Variants in TPRG1 observed in about 807,000 individuals in gnomAD.
TPRG1 encodes the protein tumor protein p63 regulated 1, also known as tumor protein p63-regulated gene 1 protein.
A neutral mutation model predicts 29.3 loss-of-function variants in TPRG1; 29 were observed. That is an observed-to-expected ratio of 0.99 (90% CI 0.74 to 1.35). The LOEUF is 1.35. Among genes scored for constraint, TPRG1 ranks in the 40% most tolerant of loss-of-function variants. The pLI is 0.00. For synonymous variants in TPRG1, 130 were observed against 116.8 expected (o/e 1.11, Z -0.73); for missense variants, 327 against 335.0 (o/e 0.98, Z 0.19).
At chr3:189,097,587 T>C (rs1012498884), upstream of TPRG1, among the ~76,000 whole-genome samples, 5 of 152,218 alleles carry the variant, frequency 3.3e-5, no homozygotes, top group Admixed American at 2.0e-4. Flanking sequence ...ATAAATTTCA[T>C]AAAATAAATA....
intron 4 of TPRG1, among the ~76,000 whole-genome samples, chr3:189,264,102 C>T (rs559663511): frequency 1.3e-5 from 2 of 152,318 alleles, no homozygotes; most frequent in South Asian, 4.1e-4. Context: ...TATCCCAATT[C>T]TCCCTCCAAT....
Position 189,019,037 on chromosome 3 carries a change from G to C in TPRG1, c.-659-4713G>C, listed in dbSNP as rs1578198310. Among the ~76,000 whole-genome samples, 2 of 152,186 alleles carry C rather than the reference G, an allele frequency of 1.3e-5. 1 individual carries two copies. Among genetic ancestry groups the C allele is most frequent in the Middle Eastern group, 6.8e-3 (2 of 294 alleles). On this transcript the variant is annotated intron_variant, in intron 3 of 10. Transcript: ENST00000433971. ...TCATAATTTGTCTCTCTGTTTGTCT[G>C]TTGTTGGTGTATAAGAATGCTTGTG...
chr3:189,173,398 G>C (rs1230676950), intron 1 of TPRG1, among the ~76,000 whole-genome samples: 1 of 144,446 alleles, frequency 6.9e-6, no homozygotes, highest in African/African-American at 2.6e-5. Context: ...GGAGGGTAGT[G>C]GCGCGATCTC....
intron 1 of TPRG1, among the ~76,000 whole-genome samples, chr3:189,199,027 AC>A (rs1177140251): frequency 1.3e-5 from 2 of 152,338 alleles, no homozygotes; most frequent in East Asian, 3.9e-4. Flanking sequence ...CTTCTTAAGT[AC>A]AAGAATAGTT....
intron 4 of TPRG1, among the ~76,000 whole-genome samples, chr3:189,032,100 G>A (rs980318775): frequency 5.3e-5 from 8 of 152,242 alleles, no homozygotes; most frequent in Admixed American, 2.6e-4. Context: ...AGGCTTTGCC[G>A]ATGTGATTGA....
chr3:189,128,461 A>T (rs1247937397), intron 2 of TPRG1, among the ~76,000 whole-genome samples: 1 of 152,268 alleles, frequency 6.6e-6, no homozygotes, highest in Non-Finnish European at 1.5e-5. Context: ...AAACATATTT[A>T]TACTAAAAAA....
intron 1 of TPRG1, among the ~76,000 whole-genome samples, chr3:189,175,859 T>G (rs574535357): frequency 6.6e-6 from 1 of 152,216 alleles, no homozygotes; most frequent in Non-Finnish European, 1.5e-5. Context: ...AAAATGATGA[T>G]GCACAAGTTG....
chr3:189,013,077 T>C (rs1307039254), intron 3 of TPRG1, among the ~76,000 whole-genome samples: 3 of 152,118 alleles, frequency 2.0e-5, no homozygotes, highest in Non-Finnish European at 4.4e-5. Flanking sequence ...GGGGTTTGTT[T>C]GCTCTTGATT....
intron 4 of TPRG1, among the ~76,000 whole-genome samples, chr3:189,042,395 A>G (rs547083957): frequency 8.0e-4 from 122 of 152,288 alleles, no homozygotes; most frequent in Middle Eastern, 3.4e-3. Flanking sequence ...TGAGTAAAAT[A>G]TTGATAACAT....
At chr3:189,238,180 C>G (rs912728597) in intron 3 of TPRG1, among the ~76,000 whole-genome samples, 4 of 152,184 alleles carry the variant, frequency 2.6e-5, no homozygotes, top group African/African-American at 9.7e-5. Flanking sequence ...CACTACATTT[C>G]TACCACAAGG....
At chr3:189,258,485 G>A (rs951457854) in intron 4 of TPRG1, among the ~76,000 whole-genome samples, 1 of 152,120 alleles carries the variant, frequency 6.6e-6, no homozygotes, top group Admixed American at 6.6e-5. Context: ...GGGGGTCAGG[G>A]ACTGACTTGA....
At chr3:189,316,839 G>A (rs1723614558) in intron 5 of TPRG1, among the ~76,000 whole-genome samples, 1 of 152,286 alleles carries the variant, frequency 6.6e-6, no homozygotes, top group Non-Finnish European at 1.5e-5. Context: ...CATATCAGAT[G>A]ACACAGCGTT....
chr3:189,101,554 C>T (rs909580989), intron 1 of TPRG1, among the ~76,000 whole-genome samples: 1 of 151,760 alleles, frequency 6.6e-6, no homozygotes, highest in African/African-American at 2.4e-5. Flanking sequence ...ATTTGCAATT[C>T]TCCTTCTTTC....
At chr3:189,182,439 G>A (rs942527527) in intron 1 of TPRG1, among the ~76,000 whole-genome samples, 1 of 152,150 alleles carries the variant, frequency 6.6e-6, no homozygotes, top group Non-Finnish European at 1.5e-5. Flanking sequence ...GTTTTAAACA[G>A]TTAATTTAGG....
chr3:189,026,776 A>G (rs1263058245), intron 4 of TPRG1, among the ~76,000 whole-genome samples: 1 of 152,116 alleles, frequency 6.6e-6, no homozygotes, highest in African/African-American at 2.4e-5. Flanking sequence ...GAAGAATAAC[A>G]TGGAACGAAG....
intron 4 of TPRG1, among the ~76,000 whole-genome samples, chr3:189,090,508 A>G (rs796688698): frequency 1.3e-5 from 2 of 152,044 alleles, no homozygotes; most frequent in Non-Finnish European, 2.9e-5. Context: ...ATATATTAAG[A>G]TATTTCATTG....
At chr3:189,170,319 G>A (rs1477597136), upstream of TPRG1, among the ~76,000 whole-genome samples, 1 of 152,176 alleles carries the variant, frequency 6.6e-6, no homozygotes, top group Non-Finnish European at 1.5e-5. Flanking sequence ...CTGTATTAGG[G>A]AGGGGGCATA....
rs529585500 is a variant in TPRG1, at chr3:189,022,697, C to A, written c.-659-1053C>A. 3.9e-5 allele frequency among the ~76,000 whole-genome samples: 6 copies of A among 152,362 alleles called. No homozygotes were observed. In the South Asian group the frequency reaches 6.2e-4, roughly 16 times the overall value. On this transcript the variant is annotated intron_variant, in intron 3 of 10. Transcript: ENST00000433971. ...CTGCTGTCTTTTTGTCTATGCCCTG[C>A]CCCCAGAGGTGGAGCCTAAAGAGGC...
At chr3:189,022,681 T>TTTTG (rs745860548) in intron 3 of TPRG1, among the ~76,000 whole-genome samples, 64 of 152,154 alleles carry the variant, frequency 4.2e-4, no homozygotes, top group Admixed American at 1.5e-3. Flanking sequence ...ACTGCTGTCT[T>TTTTG]TTTGTCTATG....
Sources: gnomAD v4.1 joint callset for allele counts (sites outside exome capture counted in the v4.1 genomes callset) on GRCh38, gnomAD v4.1.1 for gene constraint, MANE v1.5 for transcripts, NCBI Gene and HGNC (gene_info 2026-07-23, HGNC 2026-07-21) for gene names.